RALGAPB: variants seen among roughly 807,000 people sequenced by gnomAD.
RALGAPB encodes ral GTPase-activating protein subunit beta.
In RALGAPB, 25 loss-of-function variants were observed where a neutral mutation model predicts 161.1. That is an observed-to-expected ratio of 0.16 (90% CI 0.11 to 0.22). The LOEUF (loss-of-function observed/expected upper bound fraction) is 0.22, where lower values mean the gene tolerates loss of function less well. RALGAPB is among the 10% of genes least tolerant of loss of function. RALGAPB has a pLI of 1.00. For missense variants in RALGAPB, 1,391 were observed against 1,815.2 expected (o/e 0.77, Z 4.25); for synonymous variants, 629 against 626.1 (o/e 1.00, Z -0.07).
chr20:38,512,432 C>CTT, intron 6 of RALGAPB, among the ~76,000 whole-genome samples: 1 of 152,168 alleles, frequency 6.6e-6, no homozygotes, highest in East Asian at 1.9e-4. Context: ...GCCTCAGTTT[C>CTT]TTTTTAATCT....
rs530260691 is a variant in RALGAPB at position 38,557,375 on chromosome 20, C to T, written c.3373-920C>T. Among the ~76,000 whole-genome samples, 30 of 152,220 alleles carry T rather than the reference C, an allele frequency of 2.0e-4. 1 individual carries two copies. The South Asian group carries it at 3.7e-3, about 19-fold the overall frequency. ...GTATTGGTGCATTACTCACCGAAGT[C>T]GGTGATTTACAATAGGGTTCACTCT... On this transcript the variant is annotated intron_variant, in intron 22 of 29. Transcript: ENST00000262879.
intron 24 of RALGAPB, 97 bp from the exon 25 acceptor site, chr20:38,565,262 A>AT: frequency 7.3e-7 from 1 of 1,377,518 alleles, no homozygotes; most frequent in Admixed American, 2.1e-5. Flanking sequence ...TATTCTATTT[A>AT]TCACTTTATT....
intron 22 of RALGAPB, 134 bp downstream of exon 22, chr20:38,554,210 A>T (rs561011063): frequency 1.7e-4 from 136 of 819,556 alleles, no homozygotes; most frequent in Middle Eastern, 1.1e-3. Context: ...CCTGCATACA[A>T]ATAAATGAAA....
At chr20:38,561,728 T>G (rs1176292539) in intron 23 of RALGAPB, among the ~76,000 whole-genome samples, 1 of 152,220 alleles carries the variant, frequency 6.6e-6, no homozygotes, top group East Asian at 1.9e-4. Flanking sequence ...GCAGCACTAT[T>G]GCCATCTTGG....
Position 38,546,327 on chromosome 20 carries a change from A to G in RALGAPB, c.2799A>G (p.Lys933=). 1 of 1,614,116 alleles carries G rather than the reference A, an allele frequency of 6.2e-7. No homozygotes were observed. Among genetic ancestry groups the G allele is most frequent in the Non-Finnish European group, 8.5e-7 (1 of 1,179,994 alleles). Residue 933 remains lysine (K), a synonymous_variant, in exon 19 of 30, where the codon AAA becomes AAG. Coordinates refer to ENST00000262879, the MANE Select transcript of RALGAPB (RefSeq NM_020336.4). Reference sequence around the variant, plus strand: ...TTGTGAATGAGACCACTTTGATTAAATACTCCAGGCTGCCAACCATAAACA... The same window carrying G: ...TTGTGAATGAGACCACTTTGATTAAGTACTCCAGGCTGCCAACCATAAACA... ...CSLVNETTLI[K]YSRLPTINKH...
chr20:38,529,239 G>A (rs1198815648), intron 13 of RALGAPB, among the ~76,000 whole-genome samples: 1 of 152,112 alleles, frequency 6.6e-6, no homozygotes, highest in Non-Finnish European at 1.5e-5. Flanking sequence ...AATAAAGTAT[G>A]CTGGAGAAAA....
Position 38,524,762 on chromosome 20 carries a change from T to G in RALGAPB, c.1620-16T>G, listed in dbSNP as rs1350063840. Reference sequence around the variant, plus strand: ...TGATCAGCAGTTTGTTTAAAATTTTTTTCTTGCTTTCCTAGATTTTACATG... The same window carrying G: ...TGATCAGCAGTTTGTTTAAAATTTTGTTCTTGCTTTCCTAGATTTTACATG... On this transcript the variant is annotated splice_polypyrimidine_tract_variant and intron_variant, in intron 10 of 29. Coordinates refer to ENST00000262879, the MANE Select transcript of RALGAPB (RefSeq NM_020336.4). 2.5e-6 allele frequency: 4 copies of G among 1,571,092 alleles called. No individual in the cohort carries two copies. The highest frequency in any genetic ancestry group is 1.4e-5 in the African/African-American group (1 of 73,542).
chr20:38,537,262 A>T (rs2086834111), intron 16 of RALGAPB, among the ~76,000 whole-genome samples: 1 of 152,164 alleles, frequency 6.6e-6, no homozygotes, highest in Non-Finnish European at 1.5e-5. Flanking sequence ...TTTCAACCAG[A>T]GGTACTATAA....
At chr20:38,523,132 C>T (rs922565008) in intron 10 of RALGAPB, among the ~76,000 whole-genome samples, 3 of 151,174 alleles carry the variant, frequency 2.0e-5, no homozygotes, top group Non-Finnish European at 2.9e-5. Context: ...CCAGCCTGGG[C>T]GACAGAGTGA....
intron 2 of RALGAPB, among the ~76,000 whole-genome samples, chr20:38,489,340 G>A (rs1000188451): frequency 8.5e-5 from 13 of 152,118 alleles, no homozygotes; most frequent in Non-Finnish European, 1.5e-4. Flanking sequence ...CACCACGCCA[G>A]GCTAATTTAA....
At chr20:38,554,734 G>C (rs1370054068) in intron 22 of RALGAPB, among the ~76,000 whole-genome samples, 4 of 152,170 alleles carry the variant, frequency 2.6e-5, no homozygotes, top group Non-Finnish European at 5.9e-5. Context: ...CACAAAGTAA[G>C]CCAGCCTATA....
chr20:38,562,778 A>T, intron 24 of RALGAPB, 81 bp downstream of exon 24: 1 of 1,431,542 alleles, frequency 7.0e-7, no homozygotes, highest in Non-Finnish European at 9.4e-7. Context: ...ACTGTGATTT[A>T]TAGTCTTGTT....
chr20:38,479,000 C>T (rs2084886361), intron 1 of RALGAPB, among the ~76,000 whole-genome samples: 1 of 152,192 alleles, frequency 6.6e-6, no homozygotes. Context: ...ATCCACCCGC[C>T]TCGGCCTCCC....
At position 38,576,597 on chromosome 20, in the gene RALGAPB, A is replaced by G. The variant is rs2088446550; in HGVS notation, c.*1630A>G. 1 of 152,228 alleles carries G rather than the reference A, an allele frequency of 6.6e-6. No homozygotes were observed. Among genetic ancestry groups the G allele is most frequent in the Middle Eastern group, 3.2e-3 (1 of 316 alleles). 9.4% of individuals were successfully genotyped at this position (152,228 alleles called of 1,614,324 possible). On this transcript the variant is annotated 3_prime_UTR_variant, in exon 30 of 30. Coordinates refer to ENST00000262879, the MANE Select transcript of RALGAPB (RefSeq NM_020336.4). ...TCCATTCAGGTTATAGTATTATTCA[A>G]TAGTTGATTTTCTTTTTAAGCTGGG...
intron 28 of RALGAPB, among the ~76,000 whole-genome samples, chr20:38,573,159 T>G (rs1399990387): frequency 2.0e-5 from 3 of 152,060 alleles, no homozygotes; most frequent in African/African-American, 7.2e-5. Flanking sequence ...CTCGAACTCC[T>G]GGGCTCAAGT....
chr20:38,570,834 A>G lies in RALGAPB; in HGVS notation c.4129A>G (p.Ser1377Gly), dbSNP rs780123265. 3 of 1,603,370 alleles carry G rather than the reference A, an allele frequency of 1.9e-6. No individual in the cohort carries two copies. The highest frequency in any genetic ancestry group is 1.3e-5 in the African/African-American group (1 of 74,668). ...TGGTGTGGAAACTACTGCAAATAGT[A>G]GCACTTCACTGAGGTACACTCTATT... is the stretch of plus-strand genomic sequence containing the variant. The part of the protein sequence containing the change: ...STGVETTANS[S>G]TSLRSTTLEK... Residue 1377 changes from serine (S) to glycine (G), a missense_variant, in exon 28 of 30, where the codon AGC becomes GGC. By Grantham distance (56) the Ser-to-Gly change is moderately conservative. Around this residue, in one of 3 missense-constraint regions of RALGAPB, gnomAD observed 436 missense variants for 527.0 expected, o/e 0.83. Transcript: ENST00000262879.
intron 23 of RALGAPB, among the ~76,000 whole-genome samples, chr20:38,561,194 G>A (rs527983303): frequency 6.6e-5 from 10 of 152,254 alleles, no homozygotes; most frequent in South Asian, 6.2e-4. Flanking sequence ...GTGTGGTGGC[G>A]GGAGCCTGTA....
intron 19 of RALGAPB, 148 bp downstream of exon 19, chr20:38,546,578 T>C (rs2087171614): frequency 9.8e-7 from 1 of 1,015,782 alleles, no homozygotes; most frequent in Non-Finnish European, 1.4e-6. Flanking sequence ...ACCTGAAAAA[T>C]AGGGGGGCAA....
chr20:38,568,186 T>A (rs935128912), intron 26 of RALGAPB, among the ~76,000 whole-genome samples: 6 of 151,944 alleles, frequency 3.9e-5, no homozygotes, highest in Admixed American at 2.6e-4. Flanking sequence ...AGAACCCAGA[T>A]AAAGCACCAT....
Sources: gnomAD v4.1 joint callset for allele counts (sites outside exome capture counted in the v4.1 genomes callset) on GRCh38, gnomAD v4.1.1 for gene constraint, gnomAD v4.1.1 regional missense constraint, MANE v1.5 for transcripts, NCBI Gene and HGNC (gene_info 2026-07-23, HGNC 2026-07-21) for gene names.